FOXP1: variants seen among roughly 807,000 people sequenced by gnomAD.
The protein encoded by FOXP1 is forkhead box P1, also known as forkhead box protein P1.
A neutral mutation model predicts 98.2 loss-of-function variants in FOXP1; 15 were observed. The ratio of observed to expected loss-of-function variants is 0.15; its 90% CI spans 0.10 to 0.24. FOXP1 has a LOEUF of 0.24. FOXP1 is among the 10% of genes least tolerant of loss of function. The probability of loss-of-function intolerance (pLI) is 1.00; values close to 1 mark genes in which losing one functional copy is unlikely to be tolerated. For synonymous variants in FOXP1, 371 were observed against 314.5 expected, an observed-to-expected ratio of 1.18 and a Z score of -1.90; for missense variants, 633 against 848.5, an observed-to-expected ratio of 0.75 and a Z score of 3.15.
chr3:71,172,631 G>A (rs2061706701), intron 6 of FOXP1, among the ~76,000 whole-genome samples: 1 of 152,084 alleles, frequency 6.6e-6, no homozygotes, highest in South Asian at 2.1e-4. Flanking sequence ...AGGAGGGCAG[G>A]GACTCCGAAT....
chr3:71,581,311 T>C, intron 2 of FOXP1: 1 of 985,396 alleles, frequency 1.0e-6, no homozygotes, highest in Non-Finnish European at 1.2e-6. Context: ...CACTCCACGC[T>C]AAACTTTGAT....
chr3:71,190,391 G>A (rs529479534), intron 6 of FOXP1, among the ~76,000 whole-genome samples: 24 of 151,818 alleles, frequency 1.6e-4, no homozygotes, highest in African/African-American at 5.1e-4. Flanking sequence ...CAGGAGGATC[G>A]CTTGAGCCCA....
At position 71,041,341 on chromosome 3, in the gene FOXP1, G is replaced by A. The variant is rs1559792066; in HGVS notation, c.856C>T (p.Pro286Ser). The A allele has an allele frequency of 1.2e-6, 2 of 1,613,530 alleles. No homozygotes were observed. Among genetic ancestry groups the A allele is most frequent in the Admixed American group, 1.7e-5 (1 of 59,972 alleles). Reference protein sequence around the residue: ...STNGQLSVHTPKRESLSHEEH... With the variant: ...STNGQLSVHTSKRESLSHEEH... ...GCTGGTTCCTACCTTTCCCTTTTGG[G>A]AGTGTGGACTGAGAGCTGTCCATTG... Residue 286 changes from proline to serine, a missense_variant, in exon 11 of 21, where the codon CCC becomes TCC. By Grantham distance (74) the Pro-to-Ser change is moderately conservative. Transcript: ENST00000649528.
At chr3:70,974,622 C>T (rs2037106673) in intron 17 of FOXP1, among the ~76,000 whole-genome samples, 1 of 152,158 alleles carries the variant, frequency 6.6e-6, no homozygotes, top group Non-Finnish European at 1.5e-5. Flanking sequence ...TGCCCAAAGG[C>T]ATACAATAGA....
intron 5 of FOXP1, chr3:71,276,454 T>TCTCA (rs2070899566): frequency 6.6e-6 from 1 of 152,142 alleles, no homozygotes; most frequent in South Asian, 2.1e-4. Flanking sequence ...ATTAGGGCTC[T>TCTCA]CTCAACACGC....
At chr3:71,333,816 C>T (rs886296125) in intron 4 of FOXP1, 1 of 150,100 alleles carries the variant, frequency 6.7e-6, no homozygotes, top group African/African-American at 2.5e-5. Context: ...AGAGTGAGAC[C>T]CTATCTTAAA....
intron 7 of FOXP1, among the ~76,000 whole-genome samples, chr3:71,072,475 C>CA (rs1290748667): frequency 2.6e-5 from 4 of 152,132 alleles, no homozygotes; most frequent in African/African-American, 9.7e-5. Flanking sequence ...GGAAACAACC[C>CA]AAAACGTTTA....
At chr3:71,379,033 A>C (rs746672325) in intron 3 of FOXP1, among the ~76,000 whole-genome samples, 9 of 151,996 alleles carry the variant, frequency 5.9e-5, no homozygotes, top group African/African-American at 1.7e-4. Flanking sequence ...CCTTCTTCAG[A>C]TATTTACTCC....
intron 4 of FOXP1, among the ~76,000 whole-genome samples, chr3:71,348,036 A>G (rs1351015164): frequency 6.6e-6 from 1 of 152,190 alleles, no homozygotes; most frequent in African/African-American, 2.4e-5. Context: ...TAATTTATAA[A>G]TTAGGCACAG....
chr3:71,165,787 C>T (rs779958212), intron 6 of FOXP1, among the ~76,000 whole-genome samples: 3 of 152,050 alleles, frequency 2.0e-5, no homozygotes, highest in Non-Finnish European at 2.9e-5. Flanking sequence ...TGGCATGCCA[C>T]GAACCACTTG....
intron 12 of FOXP1, among the ~76,000 whole-genome samples, chr3:71,015,171 C>T (rs184466886): frequency 6.6e-6 from 1 of 150,678 alleles, no homozygotes; most frequent in East Asian, 1.9e-4. Context: ...CCTCCAACAA[C>T]AACAACAACA....
At chr3:71,462,377 G>A (rs1048381314) in intron 3 of FOXP1, among the ~76,000 whole-genome samples, 3 of 152,120 alleles carry the variant, frequency 2.0e-5, no homozygotes, top group African/African-American at 7.2e-5. Context: ...AGAATTTCTT[G>A]AGAAAAATAA....
At position 71,470,273 on chromosome 3, in the gene FOXP1, C is replaced by T. The variant is rs1260925018; in HGVS notation, c.-168+23153G>A. ...TTCATCTGTAAAACAGGAATAATAACAGTATCTACCACATAGAGTTGTTAT... is the reference window on the plus strand; with the variant it reads ...TTCATCTGTAAAACAGGAATAATAATAGTATCTACCACATAGAGTTGTTAT... On this transcript the variant is annotated intron_variant, in intron 3 of 20. Coordinates refer to ENST00000649528, the MANE Select transcript of FOXP1 (RefSeq NM_001349338.3). Among the ~76,000 whole-genome samples, 3 of 152,110 alleles carry T rather than the reference C, an allele frequency of 2.0e-5. No individual in the cohort carries two copies. The East Asian group carries it at 5.8e-4, about 29-fold the overall frequency.
At chr3:71,440,398 C>T (rs1312041315) in intron 3 of FOXP1, among the ~76,000 whole-genome samples, 2 of 149,462 alleles carry the variant, frequency 1.3e-5, no homozygotes, top group Non-Finnish European at 3.0e-5. Flanking sequence ...AGACACCGTG[C>T]CGGGCGCGGT....
chr3:70,972,468 T>TAACA, intron 18 of FOXP1, 87 bp downstream of exon 18: 2 of 1,574,084 alleles, frequency 1.3e-6, no homozygotes, highest in Non-Finnish European at 8.7e-7. Context: ...TTCTTTGGTC[T>TAACA]AACACCATCT....
intron 6 of FOXP1, among the ~76,000 whole-genome samples, chr3:71,193,217 G>C (rs1408513421): frequency 7.3e-6 from 1 of 136,456 alleles, no homozygotes; most frequent in Non-Finnish European, 1.5e-5. Context: ...GTGGGATCTC[G>C]GCTCACTGCA....
At chr3:71,348,367 A>G (rs1025285850) in intron 4 of FOXP1, among the ~76,000 whole-genome samples, 4 of 152,126 alleles carry the variant, frequency 2.6e-5, no homozygotes, top group Non-Finnish European at 4.4e-5. Flanking sequence ...TGTAATATCA[A>G]ACAGGGTCCC....
intron 2 of FOXP1, among the ~76,000 whole-genome samples, chr3:71,499,843 AG>A (rs1223570693): frequency 6.6e-6 from 1 of 152,262 alleles, no homozygotes; most frequent in Non-Finnish European, 1.5e-5. Context: ...CTGCAAAAAA[AG>A]GTATGTGTTT....
At chr3:71,354,754 A>G (rs1216594654) in intron 4 of FOXP1, among the ~76,000 whole-genome samples, 1 of 152,216 alleles carries the variant, frequency 6.6e-6, no homozygotes, top group Non-Finnish European at 1.5e-5. Context: ...TTAAATCAAC[A>G]GCACTGTTAT....
Sources: allele counts gnomAD v4.1 joint callset (sites outside exome capture counted in the v4.1 genomes callset), GRCh38; gene constraint gnomAD v4.1.1; transcripts MANE v1.5; gene names NCBI Gene and HGNC (gene_info 2026-07-23, HGNC 2026-07-21).